The following MAGI1 variants were observed in gnomAD, a reference collection of about 807,000 sequenced individuals.
The protein encoded by MAGI1 is membrane associated guanylate kinase, WW and PDZ domain containing 1.
Under a neutral mutation model 139.9 loss-of-function variants are expected in MAGI1, and 58 were observed. The ratio of observed to expected loss-of-function variants is 0.41; its 90% CI spans 0.34 to 0.52. The LOEUF is 0.52. Ranked by LOEUF, MAGI1 falls within the 20% of genes least tolerant of loss-of-function variation. The pLI is 0.12. For missense variants in MAGI1, 1,874 were observed against 1,901.6 expected (o/e 0.99, Z 0.27); for synonymous variants, 812 against 737.9 (o/e 1.10, Z -1.63).
At chr3:65,994,003 G>A (rs2066309490) in intron 1 of MAGI1, among the ~76,000 whole-genome samples, 1 of 152,142 alleles carries the variant, frequency 6.6e-6, no homozygotes, top group South Asian at 2.1e-4. Context: ...GCCGGATGCA[G>A]TGACTCAAGC....
At chr3:65,955,066 T>G (rs115070230) in intron 1 of MAGI1, among the ~76,000 whole-genome samples, 67 of 152,230 alleles carry the variant, frequency 4.4e-4, no homozygotes, top group Admixed American at 3.9e-4. Context: ...ACCTCTCTCA[T>G]CTGGTCTTTC....
chr3:66,005,247 A>G (rs1478463333), intron 1 of MAGI1, among the ~76,000 whole-genome samples: 4 of 152,198 alleles, frequency 2.6e-5, no homozygotes, highest in African/African-American at 7.2e-5. Flanking sequence ...ACAGTCTTCA[A>G]TAATGCTGCA....
intron 1 of MAGI1, among the ~76,000 whole-genome samples, chr3:65,744,815 C>T (rs576616682): frequency 3.3e-5 from 5 of 151,986 alleles, no homozygotes; most frequent in South Asian, 2.1e-4. Flanking sequence ...ATATATAAAA[C>T]GAAATTTGCC....
chr3:65,713,756 T>C (rs1002531082), intron 1 of MAGI1, among the ~76,000 whole-genome samples: 1 of 152,186 alleles, frequency 6.6e-6, no homozygotes, highest in Non-Finnish European at 1.5e-5. Flanking sequence ...GGTAGTTTTG[T>C]CAAACACTGA....
At chr3:65,666,358 G>C (rs1179420944) in intron 1 of MAGI1, among the ~76,000 whole-genome samples, 4 of 152,168 alleles carry the variant, frequency 2.6e-5, no homozygotes, top group African/African-American at 7.2e-5. Context: ...TCATGCTCAG[G>C]ATAGATTTTT....
At chr3:65,548,854 C>T (rs527427671) in intron 2 of MAGI1, among the ~76,000 whole-genome samples, 1 of 152,258 alleles carries the variant, frequency 6.6e-6, no homozygotes, top group South Asian at 2.1e-4. Flanking sequence ...AAAATGCAGG[C>T]TACTGGAGGG....
At chr3:65,580,660 A>G (rs2081375502) in intron 2 of MAGI1, among the ~76,000 whole-genome samples, 2 of 152,216 alleles carry the variant, frequency 1.3e-5, no homozygotes, top group Admixed American at 1.3e-4. Flanking sequence ...GCATGAATAA[A>G]GAAGTGAAGG....
At chr3:65,715,777 A>G (rs925501642) in intron 1 of MAGI1, among the ~76,000 whole-genome samples, 1 of 152,258 alleles carries the variant, frequency 6.6e-6, no homozygotes, top group African/African-American at 2.4e-5. Flanking sequence ...TGCACTCATT[A>G]TAGGAAAACA....
chr3:65,507,523 T>G (rs1367539057), intron 2 of MAGI1, among the ~76,000 whole-genome samples: 2 of 152,228 alleles, frequency 1.3e-5, no homozygotes, highest in Non-Finnish European at 2.9e-5. Context: ...GTAACATGCT[T>G]ATGTTTTCCC....
At chr3:65,476,470 T>C (rs1237764003) in intron 4 of MAGI1, among the ~76,000 whole-genome samples, 1 of 152,190 alleles carries the variant, frequency 6.6e-6, no homozygotes, top group Non-Finnish European at 1.5e-5. Flanking sequence ...GTGGGGATTT[T>C]ATGAGGTCAG....
chr3:65,499,076 A>G (rs1037977070), intron 2 of MAGI1: 1 of 941,394 alleles, frequency 1.1e-6, no homozygotes, highest in Non-Finnish European at 1.3e-6. Flanking sequence ...AAAAAAAACA[A>G]AAAACTCTCA....
chr3:65,590,698 C>G (rs1484740084), intron 2 of MAGI1, among the ~76,000 whole-genome samples: 3 of 152,128 alleles, frequency 2.0e-5, no homozygotes, highest in Non-Finnish European at 2.9e-5. Context: ...ATTAGTCTGT[C>G]CTACCAAATG....
At chr3:65,857,874 G>C (rs932844331) in intron 1 of MAGI1, among the ~76,000 whole-genome samples, 4 of 152,060 alleles carry the variant, frequency 2.6e-5, no homozygotes, top group Non-Finnish European at 5.9e-5. Flanking sequence ...AAGGCAAGAA[G>C]GGGGGGAACA....
intron 1 of MAGI1, among the ~76,000 whole-genome samples, chr3:65,747,823 GA>G (rs35012091): frequency 2.0e-5 from 3 of 151,930 alleles, no homozygotes; most frequent in Admixed American, 6.6e-5. Context: ...ATTTAAGGGG[GA>G]AAAAAAGAGT....
At chr3:66,011,939 T>C (rs553996339) in intron 1 of MAGI1, among the ~76,000 whole-genome samples, 40 of 152,074 alleles carry the variant, frequency 2.6e-4, no homozygotes, top group African/African-American at 9.2e-4. Context: ...TAAAATGCAA[T>C]TCTAGCGAAA....
chr3:65,933,980 AGCTGGG>A (rs2062927412), intron 1 of MAGI1, among the ~76,000 whole-genome samples: 1 of 152,064 alleles, frequency 6.6e-6, no homozygotes, highest in African/African-American at 2.4e-5. Flanking sequence ...ACAAAAAATT[AGCTGGG>A]CTTGGTGGTG....
intron 2 of MAGI1, among the ~76,000 whole-genome samples, chr3:65,495,995 C>G (rs1027207582): frequency 1.7e-4 from 26 of 152,086 alleles, no homozygotes; most frequent in Non-Finnish European, 8.8e-5. Flanking sequence ...AATGGAATGT[C>G]ATCCTTAGAA....
chr3:66,028,759 C>T (rs1330635639), intron 1 of MAGI1, among the ~76,000 whole-genome samples: 2 of 152,066 alleles, frequency 1.3e-5, no homozygotes, highest in Non-Finnish European at 2.9e-5. Context: ...CCGTGAGGTC[C>T]GGAGGCTTCC....
intron 2 of MAGI1, among the ~76,000 whole-genome samples, chr3:65,501,625 C>A (rs1284161643): frequency 2.0e-5 from 3 of 152,010 alleles, no homozygotes; most frequent in Non-Finnish European, 4.4e-5. Flanking sequence ...AATGGTACAA[C>A]CATTTGGGGA....
Sources: allele counts gnomAD v4.1 joint callset (sites outside exome capture counted in the v4.1 genomes callset), GRCh38; gene constraint gnomAD v4.1.1; transcripts MANE v1.5; gene names NCBI Gene and HGNC (gene_info 2026-07-23, HGNC 2026-07-21).